Variants in GABRA3 observed in about 807,000 individuals in gnomAD.
GABRA3 encodes gamma-aminobutyric acid type A receptor subunit alpha3.
In GABRA3, 10 loss-of-function variants were observed where a neutral mutation model predicts 30.1. That is an observed-to-expected ratio of 0.33 (90% confidence interval 0.20 to 0.56). The LOEUF is 0.56. Among genes scored for constraint, GABRA3 ranks in the 20% least tolerant of loss-of-function variants. The pLI, the probability that GABRA3 is intolerant of heterozygous loss-of-function variation, is 0.89. For missense variants in GABRA3, 233 were observed against 392.0 expected (o/e 0.59, Z 3.42); for synonymous variants, 151 against 146.8 (o/e 1.03, Z -0.21).
intron 5 of GABRA3, among the ~76,000 whole-genome samples, chrX:152,241,409 G>A (rs1407412366): frequency 9.6e-6 from 1 of 103,835 alleles, no homozygotes; most frequent in African/African-American, 3.3e-5. Context: ...TCTCTTCAAA[G>A]CTGTCAGACA....
chrX:152,182,691 ATG>A (rs1937190415), intron 9 of GABRA3, among the ~76,000 whole-genome samples: 31 of 30,192 alleles, frequency 1.0e-3, no homozygotes, highest in East Asian at 4.3e-3. Context: ...TACACTATAT[ATG>A]TATATATAGT....
chrX:152,442,034 GC>G (rs1930943470), intron 1 of GABRA3, among the ~76,000 whole-genome samples: 1 of 111,225 alleles, frequency 9.0e-6, no homozygotes, highest in South Asian at 3.7e-4. Flanking sequence ...AAAATAGAAA[GC>G]GAAGTAACAT....
intron 8 of GABRA3, among the ~76,000 whole-genome samples, chrX:152,195,832 G>A (rs997158887): frequency 9.0e-6 from 1 of 111,084 alleles, no homozygotes; most frequent in South Asian, 3.8e-4. Context: ...TGCTGTATAG[G>A]TCACACTCCC....
intron 3 of GABRA3, among the ~76,000 whole-genome samples, chrX:152,320,119 G>T (rs1277426241): frequency 2.7e-5 from 3 of 111,559 alleles, no homozygotes; most frequent in African/African-American, 9.8e-5. Flanking sequence ...CTACACTGCT[G>T]GTGGGAATAT....
At chrX:152,373,632 T>A (rs748175114) in intron 1 of GABRA3, among the ~76,000 whole-genome samples, 9 of 111,874 alleles carry the variant, frequency 8.0e-5, no homozygotes, top group Admixed American at 1.9e-4. Flanking sequence ...TTTCTTTTTT[T>A]TTATTATTAT....
At chrX:152,208,289 A>ATCCG in intron 6 of GABRA3, 145 bp from the exon 7 acceptor site, 2 of 532,401 alleles carry the variant, frequency 3.8e-6, no homozygotes, top group Non-Finnish European at 6.1e-6. Flanking sequence ...AAGTCCATCC[A>ATCCG]TCCGTCCATC....
At chrX:152,404,861 CAT>C (rs1317938549) in intron 1 of GABRA3, among the ~76,000 whole-genome samples, 1 of 107,886 alleles carries the variant, frequency 9.3e-6, no homozygotes, top group Non-Finnish European at 1.9e-5. Context: ...CCACAAAACA[CAT>C]AGAGTGCAGT....
At chrX:152,258,772 A>G (rs147422459) in intron 4 of GABRA3, among the ~76,000 whole-genome samples, 3,379 of 111,905 alleles carry the variant, frequency 0.03, 122 homozygotes, top group African/African-American at 0.1. Flanking sequence ...GACAATAAAA[A>G]TACACTTTGA....
chrX:152,238,240 A>G (rs1370034840), intron 5 of GABRA3, among the ~76,000 whole-genome samples: 3 of 99,141 alleles, frequency 3.0e-5, no homozygotes, highest in Non-Finnish European at 5.9e-5. Context: ...TTCTGCATCT[A>G]TTGAGATAAT....
rs73623047 is a variant in GABRA3, at chrX:152,296,671, T to A, written c.263-11936A>T. ...TAGTACCTGGAATGTGCAGCAAAACTTTGATAATCAGCTGCTTTTCCTTTT... is the reference window on the plus strand; with the variant it reads ...TAGTACCTGGAATGTGCAGCAAAACATTGATAATCAGCTGCTTTTCCTTTT... On this transcript the variant is annotated intron_variant, in intron 3 of 9. Transcript: ENST00000370314. Among the ~76,000 whole-genome samples the A allele has an allele frequency of 7.8e-3, 867 of 110,507 alleles. 11 individuals are homozygous for A. The highest frequency in any genetic ancestry group is 0.027 in the African/African-American group (830 of 30,436).
chrX:152,204,606 G>A (rs1026367644), intron 7 of GABRA3, among the ~76,000 whole-genome samples: 1 of 112,024 alleles, frequency 8.9e-6, no homozygotes, highest in Admixed American at 9.5e-5. Flanking sequence ...AGGGTTAAGT[G>A]AGTTAATACA....
chrX:152,315,982 C>G (rs1328227543), intron 3 of GABRA3, among the ~76,000 whole-genome samples: 7 of 86,073 alleles, frequency 8.1e-5, no homozygotes, highest in African/African-American at 1.8e-4. Flanking sequence ...CCCCCCCCCC[C>G]CCCACCACAT....
intron 4 of GABRA3, among the ~76,000 whole-genome samples, chrX:152,282,079 T>C (rs1939208470): frequency 8.9e-6 from 1 of 112,229 alleles, no homozygotes; most frequent in South Asian, 3.7e-4. Context: ...GCTGTGTCTG[T>C]AAGGGCCAGT....
chrX:152,295,047 C>A (rs1011256851), intron 3 of GABRA3, among the ~76,000 whole-genome samples: 4 of 111,322 alleles, frequency 3.6e-5, no homozygotes, highest in Non-Finnish European at 7.5e-5. Flanking sequence ...AATATTGCTG[C>A]CTGATTCTTC....
chrX:152,235,882 A>G (rs912431376), intron 5 of GABRA3, among the ~76,000 whole-genome samples: 8 of 111,107 alleles, frequency 7.2e-5, no homozygotes, highest in Non-Finnish European at 1.5e-4. Flanking sequence ...GAACCAAAAA[A>G]GTCCCCAAAT....
intron 1 of GABRA3, among the ~76,000 whole-genome samples, chrX:152,416,441 T>C (rs1426401263): frequency 9.3e-6 from 1 of 107,487 alleles, no homozygotes; most frequent in Non-Finnish European, 1.9e-5. Context: ...AAAATGGCCA[T>C]ACTGCCCAAG....
intron 3 of GABRA3, among the ~76,000 whole-genome samples, chrX:152,291,568 G>C (rs1939418117): frequency 9.0e-6 from 1 of 111,673 alleles, no homozygotes; most frequent in African/African-American, 3.3e-5. Flanking sequence ...AGTGGTGGGA[G>C]AGGGCATCAC....
At chrX:152,429,207 GT>G (rs757079000) in intron 1 of GABRA3, among the ~76,000 whole-genome samples, 39 of 111,042 alleles carry the variant, frequency 3.5e-4, no homozygotes, top group Non-Finnish European at 5.5e-4. Context: ...ACTTCCTAGT[GT>G]TTGCTAAATA....
intron 7 of GABRA3, among the ~76,000 whole-genome samples, chrX:152,204,138 G>A (rs1164176723): frequency 1.8e-5 from 2 of 111,137 alleles, no homozygotes; most frequent in Non-Finnish European, 3.8e-5. Context: ...TAGGGGCAAT[G>A]GAAGTGAGAT....
Sources: allele counts gnomAD v4.1 joint callset (sites outside exome capture counted in the v4.1 genomes callset), GRCh38; gene constraint gnomAD v4.1.1; transcripts MANE v1.5; gene names NCBI Gene and HGNC (gene_info 2026-07-23, HGNC 2026-07-21).